Variants in ZNF423 observed in about 807,000 individuals in gnomAD.
ZNF423 encodes Ebf-associated zinc finger protein.
A neutral mutation model predicts 95.8 loss-of-function variants in ZNF423; 12 were observed. The ratio of observed to expected loss-of-function variants is 0.13; its 90% CI spans 0.08 to 0.20. The LOEUF is 0.20. Among genes scored for constraint, ZNF423 ranks in the 10% least tolerant of loss-of-function variants. The probability of loss-of-function intolerance (pLI) is 1.00; values close to 1 mark genes in which losing one functional copy is unlikely to be tolerated. For synonymous variants in ZNF423, 749 were observed against 711.9 expected, an observed-to-expected ratio of 1.05 and a Z score of -0.83; for missense variants, 1,316 against 1,737.1, an observed-to-expected ratio of 0.76 and a Z score of 4.31.
At chr16:49,765,126 T>G (rs750208316) in intron 2 of ZNF423, among the ~76,000 whole-genome samples, 11 of 151,986 alleles carry the variant, frequency 7.2e-5, no homozygotes, top group Non-Finnish European at 1.0e-4. Context: ...ATCCCATGTA[T>G]GCAAAAAGGC....
intron 7 of ZNF423, among the ~76,000 whole-genome samples, chr16:49,493,799 C>T (rs975784937): frequency 2.6e-5 from 4 of 152,150 alleles, no homozygotes; most frequent in South Asian, 2.1e-4. Context: ...ATAGCAGAGA[C>T]GGAGGTGTGG....
At chr16:49,677,745 C>A (rs1396918822) in intron 3 of ZNF423, among the ~76,000 whole-genome samples, 3 of 144,288 alleles carry the variant, frequency 2.1e-5, no homozygotes, top group Non-Finnish European at 3.0e-5. Flanking sequence ...AAGAGCAAGA[C>A]CCTGTCTCAA....
intron 5 of ZNF423, among the ~76,000 whole-genome samples, chr16:49,525,959 C>A (rs1361784721): frequency 6.6e-6 from 1 of 152,240 alleles, no homozygotes; most frequent in African/African-American, 2.4e-5. Context: ...TCTCTGCCCC[C>A]ACTCTGGTGG....
chr16:49,828,994 C>T (rs1404002373), intron 1 of ZNF423, among the ~76,000 whole-genome samples: 4 of 152,212 alleles, frequency 2.6e-5, no homozygotes, highest in Non-Finnish European at 2.9e-5. Context: ...CTCATTCACC[C>T]TCCAATGTTG....
At chr16:49,678,888 C>A (rs2031232045) in intron 3 of ZNF423, among the ~76,000 whole-genome samples, 1 of 152,198 alleles carries the variant, frequency 6.6e-6, no homozygotes, top group Admixed American at 6.5e-5. Context: ...GGAATCAATT[C>A]TCAATCCATA....
At chr16:49,732,437 C>T (rs921499596) in intron 2 of ZNF423, among the ~76,000 whole-genome samples, 2 of 152,190 alleles carry the variant, frequency 1.3e-5, no homozygotes, top group African/African-American at 4.8e-5. Context: ...CTTCCCACAG[C>T]CTGTCCTGGA....
chr16:49,841,783 C>T (rs1396946295), intron 1 of ZNF423, among the ~76,000 whole-genome samples: 2 of 152,232 alleles, frequency 1.3e-5, no homozygotes, highest in African/African-American at 4.8e-5. Context: ...CTGCATCTTC[C>T]TTGGAGCCTA....
intron 3 of ZNF423, among the ~76,000 whole-genome samples, chr16:49,645,615 C>A (rs1973141360): frequency 6.6e-6 from 1 of 152,156 alleles, no homozygotes; most frequent in South Asian, 2.1e-4. Context: ...TTGGTGTTCC[C>A]AAAATCCTGT....
intron 3 of ZNF423, among the ~76,000 whole-genome samples, chr16:49,639,924 C>T (rs533291759): frequency 8.5e-5 from 13 of 152,346 alleles, no homozygotes; most frequent in Non-Finnish European, 1.3e-4. Context: ...AGACATTCCC[C>T]GGCGGGGGCC....
chr16:49,609,209 A>G (rs1400661897), intron 5 of ZNF423, among the ~76,000 whole-genome samples: 1 of 152,214 alleles, frequency 6.6e-6, no homozygotes, highest in Non-Finnish European at 1.5e-5. Flanking sequence ...GCAAGATGGC[A>G]TCTGCACCCC....
chr16:49,706,863 C>T (rs762404177), intron 3 of ZNF423, among the ~76,000 whole-genome samples: 7 of 152,300 alleles, frequency 4.6e-5, no homozygotes, highest in South Asian at 2.1e-4. Flanking sequence ...AGGGCACCTT[C>T]GGCCTCACAT....
Position 49,525,393 on chromosome 16 carries a change from C to T in ZNF423, c.3703G>A (p.Gly1235Ser), listed in dbSNP as rs760436403. Residue 1235 changes from glycine to serine, a missense_variant, in exon 6 of 8, where the codon GGC (glycine) becomes AGC (serine). Around this residue, in one of 6 missense-constraint regions of ZNF423, gnomAD observed 75 missense variants for 163.5 expected, o/e 0.46. Transcript: ENST00000563137. ...AAACACACGGGGCATTTGAAGGTGC[C>T]GCCCATGCCCTCGAAGCTGTGCTCA... ...LIEHSFEGMG[G>S]TFKCPVCFTV... The T allele has an allele frequency of 1.9e-5, 30 of 1,614,046 alleles. No individual in the cohort carries two copies. Among genetic ancestry groups the T allele is most frequent in the South Asian group, 4.4e-5 (4 of 91,076 alleles).
chr16:49,843,089 T>G (rs1166606426), intron 1 of ZNF423, among the ~76,000 whole-genome samples: 3 of 152,174 alleles, frequency 2.0e-5, no homozygotes, highest in Non-Finnish European at 4.4e-5. Context: ...GGTACAGACT[T>G]TGTGGAAGGC....
chr16:49,504,983 G>A (rs1490006516), intron 7 of ZNF423, among the ~76,000 whole-genome samples: 1 of 152,168 alleles, frequency 6.6e-6, no homozygotes, highest in Admixed American at 6.5e-5. Context: ...AAGTGTCTGT[G>A]TTTGCTCTGG....
At chr16:49,518,247 C>G (rs1968236596) in intron 7 of ZNF423, 1 of 385,440 alleles carries the variant, frequency 2.6e-6, no homozygotes, top group Non-Finnish European at 5.0e-6. Context: ...TGAACCATTT[C>G]TTGCATGTGC....
intron 5 of ZNF423, among the ~76,000 whole-genome samples, chr16:49,571,235 C>CA (rs1206266945): frequency 6.6e-6 from 1 of 151,828 alleles, no homozygotes. Context: ...TTCATTCATT[C>CA]AAAAAACAAG....
chr16:49,683,550 G>A (rs531170518), intron 3 of ZNF423, among the ~76,000 whole-genome samples: 2 of 152,244 alleles, frequency 1.3e-5, no homozygotes, highest in African/African-American at 4.8e-5. Flanking sequence ...CAGTTCTCCT[G>A]ACTCCAAATT....
intron 1 of ZNF423, among the ~76,000 whole-genome samples, chr16:49,805,626 A>G (rs1000075370): frequency 4.6e-5 from 7 of 152,196 alleles, no homozygotes; most frequent in Non-Finnish European, 7.3e-5. Context: ...GTAAGGGTTG[A>G]AATGACTCCT....
At chr16:49,682,427 G>A (rs2031401759) in intron 3 of ZNF423, among the ~76,000 whole-genome samples, 1 of 152,216 alleles carries the variant, frequency 6.6e-6, no homozygotes, top group African/African-American at 2.4e-5. Flanking sequence ...GGAGAGCCAA[G>A]GGATGCCAGA....
Sources: gnomAD v4.1 joint callset for allele counts (sites outside exome capture counted in the v4.1 genomes callset) on GRCh38, gnomAD v4.1.1 for gene constraint, gnomAD v4.1.1 regional missense constraint, MANE v1.5 for transcripts, NCBI Gene and HGNC (gene_info 2026-07-23, HGNC 2026-07-21) for gene names.